The following ZNF618 variants were observed in gnomAD, a reference collection of about 807,000 sequenced individuals.
The protein encoded by ZNF618 is zinc finger protein 618.
A neutral mutation model predicts 103.0 loss-of-function variants in ZNF618; 34 were observed. The ratio of observed to expected loss-of-function variants is 0.33; its 90% CI spans 0.25 to 0.44. The LOEUF is 0.44. Among genes scored for constraint, ZNF618 ranks in the 20% least tolerant of loss-of-function variants. ZNF618 has a pLI of 1.00. For missense variants in ZNF618, 1,059 were observed against 1,295.4 expected (o/e 0.82, Z 2.80); for synonymous variants, 551 against 542.2 (o/e 1.02, Z -0.23).
rs12342471 is a variant in ZNF618 at position 113,938,866 on chromosome 9, G to A, written c.34-30251G>A. Among the ~76,000 whole-genome samples the A allele has an allele frequency of 9.1e-3, 1,385 of 152,204 alleles. 8 individuals carry two copies. The highest frequency in any genetic ancestry group is 0.012 in the Non-Finnish European group (829 of 68,010). ...ATTACAGGTGTGAGCCACCACATCC[G>A]TTCCGTCCCATTATATTTTCTGATT... On this transcript the variant is annotated intron_variant, in intron 1 of 14. Transcript: ENST00000374126.
At chr9:113,931,037 G>T (rs1833538346) in intron 1 of ZNF618, among the ~76,000 whole-genome samples, 1 of 152,172 alleles carries the variant, frequency 6.6e-6, no homozygotes, top group Non-Finnish European at 1.5e-5. Context: ...TTTTAGGATA[G>T]AATTCAGGGA....
At position 114,050,532 on chromosome 9, in the gene ZNF618, TG is replaced by T. The variant is rs1846070556; in HGVS notation, c.*366del. 5.7e-6 allele frequency: 1 copy of T among 174,256 alleles called. No homozygotes were observed. The highest frequency in any genetic ancestry group is 1.9e-4 in the South Asian group (1 of 5,198). The allele number at this position is 174,256 out of a possible 1,614,324, so 10.8% of individuals were successfully genotyped here. Reference sequence around the variant, plus strand: ...GGACGGGTGTGCATTGAACTGGGCGTGTCAGGAAAGCTGAGCGATTGGGAAA... The same window carrying T: ...GGACGGGTGTGCATTGAACTGGGCGTTCAGGAAAGCTGAGCGATTGGGAAA... On this transcript the variant is annotated 3_prime_UTR_variant, in exon 15 of 15. Transcript: ENST00000374126.
chr9:113,884,768 AAC>A (rs763158809), intron 1 of ZNF618, among the ~76,000 whole-genome samples: 16 of 119,926 alleles, frequency 1.3e-4, no homozygotes, highest in East Asian at 9.3e-4. Flanking sequence ...TCGAGACACA[AAC>A]ACACAGAGAG....
intron 1 of ZNF618, among the ~76,000 whole-genome samples, chr9:113,965,660 C>T (rs1179390773): frequency 2.0e-5 from 3 of 152,094 alleles, no homozygotes; most frequent in Non-Finnish European, 2.9e-5. Flanking sequence ...CCTCCTTCTC[C>T]GCCCCCATTT....
chr9:114,022,047 C>T (rs1416492347), intron 10 of ZNF618, among the ~76,000 whole-genome samples: 2 of 152,000 alleles, frequency 1.3e-5, no homozygotes, highest in African/African-American at 2.4e-5. Context: ...ACAAATAAAG[C>T]AGTTATGAAC....
chr9:114,035,169 C>G (rs1487288790), intron 12 of ZNF618: 1 of 985,808 alleles, frequency 1.0e-6, no homozygotes, highest in Non-Finnish European at 1.2e-6. Flanking sequence ...GAAGAGATGG[C>G]TAAACTGTTT....
chr9:113,976,096 A>C (rs1288271565), intron 2 of ZNF618, among the ~76,000 whole-genome samples: 11 of 152,126 alleles, frequency 7.2e-5, no homozygotes, highest in Non-Finnish European at 1.0e-4. Flanking sequence ...GAAAATTCAT[A>C]TACAGTCTTA....
At chr9:113,945,982 G>A (rs927630816) in intron 1 of ZNF618, among the ~76,000 whole-genome samples, 7 of 152,156 alleles carry the variant, frequency 4.6e-5, no homozygotes, top group Non-Finnish European at 8.8e-5. Context: ...AGGGACTGGC[G>A]GCTTTGCTGA....
chr9:114,001,945 C>T (rs1841255535), intron 4 of ZNF618, 51 bp from the exon 5 acceptor site: 2 of 1,533,414 alleles, frequency 1.3e-6, no homozygotes, highest in African/African-American at 2.7e-5. Flanking sequence ...GTCCTGGGAC[C>T]TTGTGGTCAC....
At position 114,008,379 on chromosome 9, in the gene ZNF618, G is replaced by A. The variant is rs1245718304; in HGVS notation, c.676G>A (p.Asp226Asn). ...SVEGAPENRADPFDQGVVATD... is the reference protein window; with the variant it reads ...SVEGAPENRANPFDQGVVATD... ...GGAAGGGGCCCCTGAGAACCGGGCAGGTAAGTCCTTGGTGTCTGCTTGTCA... is the reference window on the plus strand; with the variant it reads ...GGAAGGGGCCCCTGAGAACCGGGCAAGTAAGTCCTTGGTGTCTGCTTGTCA... The change falls in exon 8 of 15, where the codon GAC becomes AAC. Residue 226 changes from aspartate (D) to asparagine (N), a missense_variant and splice_region_variant. Asp to Asn is a conservative substitution (Grantham distance 23). Around this residue, in one of 6 missense-constraint regions of ZNF618, gnomAD observed 434 missense variants for 476.0 expected, o/e 0.91. Transcript: ENST00000374126. The A allele has an allele frequency of 6.2e-7, 1 of 1,613,896 alleles. No individual in the cohort carries two copies. The highest frequency in any genetic ancestry group is 1.3e-5 in the African/African-American group (1 of 74,948).
chr9:114,025,675 T>C (rs963843291), intron 10 of ZNF618, among the ~76,000 whole-genome samples: 3 of 151,774 alleles, frequency 2.0e-5, no homozygotes, highest in Non-Finnish European at 4.4e-5. Flanking sequence ...ACCCACCCTG[T>C]GACCCAGAAT....
At chr9:114,010,795 G>A (rs954342434) in intron 9 of ZNF618, among the ~76,000 whole-genome samples, 9 of 152,152 alleles carry the variant, frequency 5.9e-5, no homozygotes, top group Non-Finnish European at 8.8e-5. Flanking sequence ...TGACCTCCCC[G>A]TTGAGTATCT....
chr9:113,961,103 T>TC (rs1409143839), intron 1 of ZNF618, among the ~76,000 whole-genome samples: 2 of 152,164 alleles, frequency 1.3e-5, no homozygotes, highest in East Asian at 1.9e-4. Flanking sequence ...ACAGTTTTAT[T>TC]CCCCCTGTCG....
chr9:114,008,258 GTGGC>G, intron 7 of ZNF618, 82 bp from the exon 8 acceptor site: 1 of 1,572,418 alleles, frequency 6.4e-7, no homozygotes, highest in Admixed American at 1.7e-5. Flanking sequence ...GCTGGGAGCA[GTGGC>G]AGAGGCAGCT....
In ZNF618 at chr9:113,939,865, C is replaced by T. The variant is rs1315323290; in HGVS notation, c.34-29252C>T. Reference sequence around the variant, plus strand: ...TATTTTTTAGTTTCTTAGGCAGACACATGGTAGGAGGTGGGATTAGCCATT... The same window carrying T: ...TATTTTTTAGTTTCTTAGGCAGACATATGGTAGGAGGTGGGATTAGCCATT... On this transcript the variant is annotated intron_variant, in intron 1 of 14. Transcript: ENST00000374126. 2.6e-5 allele frequency among the ~76,000 whole-genome samples: 4 copies of T among 151,994 alleles called. No individual in the cohort carries two copies. In the East Asian group the frequency reaches 5.8e-4, roughly 22 times the overall value.
chr9:114,003,376 C>T (rs945789537), intron 6 of ZNF618, among the ~76,000 whole-genome samples: 5 of 152,208 alleles, frequency 3.3e-5, no homozygotes, highest in African/African-American at 7.2e-5. Context: ...GTAGGTATGT[C>T]GCCAACAGAA....
chr9:113,943,248 C>T (rs1207829758), intron 1 of ZNF618, among the ~76,000 whole-genome samples: 4 of 152,138 alleles, frequency 2.6e-5, no homozygotes, highest in East Asian at 1.9e-4. Context: ...TGATAGCCTG[C>T]GGTAAGTGCG....
At chr9:114,029,351 G>T (rs572026438) in intron 11 of ZNF618, among the ~76,000 whole-genome samples, 1 of 152,076 alleles carries the variant, frequency 6.6e-6, no homozygotes, top group Non-Finnish European at 1.5e-5. Context: ...TAAAACTTTT[G>T]ATTTCTACCT....
At chr9:113,941,248 C>T (rs1834524391) in intron 1 of ZNF618, among the ~76,000 whole-genome samples, 1 of 152,170 alleles carries the variant, frequency 6.6e-6, no homozygotes, top group East Asian at 1.9e-4. Context: ...ACATTTTCCT[C>T]ATTCTCCTTC....
Sources: allele counts gnomAD v4.1 joint callset (sites outside exome capture counted in the v4.1 genomes callset), GRCh38; gene constraint gnomAD v4.1.1; regional missense constraint gnomAD v4.1.1; transcripts MANE v1.5; gene names NCBI Gene and HGNC (gene_info 2026-07-23, HGNC 2026-07-21).